NRXN3: variants seen among roughly 807,000 people sequenced by gnomAD.
NRXN3 encodes neurexin 3.
A neutral mutation model predicts 137.6 loss-of-function variants in NRXN3; 32 were observed. The observed-to-expected ratio is 0.23, with a 90% CI of 0.18 to 0.31. The LOEUF is 0.31. NRXN3 is among the 10% of genes least tolerant of loss of function. NRXN3 has a pLI of 1.00. For missense variants in NRXN3, 1,574 were observed against 2,062.5 expected (o/e 0.76, Z 4.59); for synonymous variants, 798 against 784.5 (o/e 1.02, Z -0.29).
chr14:78,307,594 A>G (rs1399776529), intron 4 of NRXN3, among the ~76,000 whole-genome samples: 5 of 152,102 alleles, frequency 3.3e-5, no homozygotes, highest in African/African-American at 7.2e-5. Context: ...AGAATACCTA[A>G]TTGATATTAT....
chr14:79,819,221 A>G (rs1422059679), intron 20 of NRXN3, among the ~76,000 whole-genome samples: 1 of 152,180 alleles, frequency 6.6e-6, no homozygotes, highest in Non-Finnish European at 1.5e-5. Context: ...ATAATGACAC[A>G]TAGCAGCCAT....
chr14:78,600,314 A>G (rs1000706896), intron 4 of NRXN3, among the ~76,000 whole-genome samples: 2 of 152,162 alleles, frequency 1.3e-5, no homozygotes, highest in African/African-American at 4.8e-5. Context: ...AAAGAGCCCC[A>G]CCTTATAGAT....
intron 6 of NRXN3, among the ~76,000 whole-genome samples, chr14:78,686,103 A>G (rs2098123667): frequency 6.6e-6 from 1 of 152,066 alleles, no homozygotes. Context: ...ATCCCCTTAG[A>G]TTTTAAAGTT....
At chr14:79,731,467 T>A (rs1174648838) in intron 19 of NRXN3, among the ~76,000 whole-genome samples, 2 of 152,244 alleles carry the variant, frequency 1.3e-5, no homozygotes, top group Admixed American at 6.5e-5. Context: ...TTTTCCAATT[T>A]AACATTCATT....
intron 15 of NRXN3, among the ~76,000 whole-genome samples, chr14:79,118,492 G>T (rs1016883109): frequency 1.3e-5 from 2 of 152,056 alleles, no homozygotes; most frequent in Non-Finnish European, 2.9e-5. Context: ...TTTTGCCTTT[G>T]TCATGGTGCC....
chr14:79,464,570 G>C (rs966079000), intron 15 of NRXN3, among the ~76,000 whole-genome samples: 1 of 152,142 alleles, frequency 6.6e-6, no homozygotes, highest in Non-Finnish European at 1.5e-5. Context: ...TTGTTGATAT[G>C]GTGAGATGGC....
chr14:79,388,809 C>T lies in NRXN3; in HGVS notation c.3263-78412C>T, dbSNP rs547723638. Among the ~76,000 whole-genome samples the T allele has an allele frequency of 1.4e-4, 22 of 152,226 alleles. No homozygotes were observed. In the South Asian group the frequency reaches 3.9e-3, roughly 27 times the overall value. On this transcript the variant is annotated intron_variant, in intron 15 of 20. Coordinates refer to ENST00000335750, the MANE Select transcript of NRXN3 (RefSeq NM_001330195.2). ...CTTGAATTGTAGCTCCCATAATGCC[C>T]GAATGTTGTAGGAGGGACCCAGTGG... is the stretch of plus-strand genomic sequence containing the variant.
intron 4 of NRXN3, among the ~76,000 whole-genome samples, chr14:78,466,668 C>A (rs1291275285): frequency 6.6e-6 from 1 of 152,142 alleles, no homozygotes; most frequent in Non-Finnish European, 1.5e-5. Flanking sequence ...TTTTCAGATG[C>A]AAAGTAAAGA....
chr14:78,828,330 C>T (rs534914867), intron 10 of NRXN3, among the ~76,000 whole-genome samples: 36 of 152,248 alleles, frequency 2.4e-4, no homozygotes, highest in African/African-American at 8.2e-4. Context: ...GAGTAATTGG[C>T]ATTAAATAAA....
chr14:78,590,049 C>T (rs979719765), intron 4 of NRXN3, among the ~76,000 whole-genome samples: 3 of 152,252 alleles, frequency 2.0e-5, no homozygotes, highest in African/African-American at 7.2e-5. Flanking sequence ...GAAGGGGGAT[C>T]GAAACCAAAG....
At chr14:78,884,351 T>C (rs914764702) in intron 10 of NRXN3, among the ~76,000 whole-genome samples, 6 of 152,186 alleles carry the variant, frequency 3.9e-5, no homozygotes, top group African/African-American at 1.2e-4. Flanking sequence ...TGTCGGTGGA[T>C]AGCAATTACC....
intron 15 of NRXN3, among the ~76,000 whole-genome samples, chr14:79,046,786 C>A (rs2099633760): frequency 1.3e-5 from 2 of 152,240 alleles, no homozygotes; most frequent in South Asian, 4.1e-4. Flanking sequence ...GCCTAGAATG[C>A]TATCTGATGC....
At chr14:79,736,169 A>T (rs1008084305) in intron 19 of NRXN3, among the ~76,000 whole-genome samples, 1 of 152,160 alleles carries the variant, frequency 6.6e-6, no homozygotes, top group Non-Finnish European at 1.5e-5. Context: ...CCTAGCTGAC[A>T]GTCTTAACTC....
intron 15 of NRXN3, among the ~76,000 whole-genome samples, chr14:79,228,157 T>A (rs539037299): frequency 6.6e-6 from 1 of 152,226 alleles, no homozygotes; most frequent in South Asian, 2.1e-4. Flanking sequence ...ATGTTAGTGA[T>A]CTCCTAGACC....
At chr14:78,377,511 G>A (rs1006998224) in intron 4 of NRXN3, among the ~76,000 whole-genome samples, 13 of 152,338 alleles carry the variant, frequency 8.5e-5, no homozygotes, top group Middle Eastern at 3.4e-3. Flanking sequence ...ATTGATATAG[G>A]AAATCAGCAA....
intron 17 of NRXN3, among the ~76,000 whole-genome samples, chr14:79,681,194 C>A (rs1300574889): frequency 6.6e-6 from 1 of 152,182 alleles, no homozygotes; most frequent in Non-Finnish European, 1.5e-5. Context: ...ACTTTTGCCA[C>A]ACAAACTCCT....
chr14:78,454,875 G>A (rs1355879539), intron 4 of NRXN3, among the ~76,000 whole-genome samples: 1 of 152,174 alleles, frequency 6.6e-6, no homozygotes, highest in Non-Finnish European at 1.5e-5. Context: ...GGGTAAGACT[G>A]GAAAGCGGAG....
chr14:79,329,600 C>G (rs2091391468), intron 15 of NRXN3, among the ~76,000 whole-genome samples: 1 of 152,012 alleles, frequency 6.6e-6, no homozygotes, highest in Admixed American at 6.6e-5. Flanking sequence ...ACTTTATTTA[C>G]AAAAAACAGG....
chr14:78,200,391 A>G (rs2061571127), intron 1 of NRXN3, among the ~76,000 whole-genome samples: 1 of 152,224 alleles, frequency 6.6e-6, no homozygotes, highest in Admixed American at 6.5e-5. Flanking sequence ...TGTCAGTCTT[A>G]CTGAAACTCC....
Sources: gnomAD v4.1 joint callset for allele counts (sites outside exome capture counted in the v4.1 genomes callset) on GRCh38, gnomAD v4.1.1 for gene constraint, MANE v1.5 for transcripts, NCBI Gene and HGNC (gene_info 2026-07-23, HGNC 2026-07-21) for gene names.